The following PGM1 variants were observed in gnomAD, a reference collection of about 807,000 sequenced individuals.
PGM1 encodes the protein phosphoglucomutase-1.
A neutral mutation model predicts 55.6 loss-of-function variants in PGM1; 52 were observed. That is an observed-to-expected ratio of 0.94 (90% CI 0.75 to 1.18). PGM1 has a LOEUF of 1.18. Ranked by LOEUF, PGM1 falls within the 50% of genes most tolerant of loss-of-function variation. PGM1 has a pLI of 0.00. For synonymous variants in PGM1, 287 were observed against 271.7 expected (o/e 1.06, Z -0.55); for missense variants, 724 against 729.3 (o/e 0.99, Z 0.08).
chr1:63,636,115 G>T, intron 5 of PGM1, 119 bp from the exon 6 acceptor site: 1 of 976,642 alleles, frequency 1.0e-6, no homozygotes. Flanking sequence ...AATGCAGTAT[G>T]GAAAGGAGAT....
Position 63,603,191 on chromosome 1 carries a change from A to G in PGM1, c.246+9457A>G, listed in dbSNP as rs140976835. ...AAGTTACTGCCACATGCATGGCCTTATTTCCTGTCTACAACAAACCTTTCA... is the reference window on the plus strand; with the variant it reads ...AAGTTACTGCCACATGCATGGCCTTGTTTCCTGTCTACAACAAACCTTTCA... On this transcript the variant is annotated intron_variant, in intron 1 of 10. Transcript: ENST00000371084. Among the ~76,000 whole-genome samples the G allele has an allele frequency of 5.4e-3, 824 of 152,342 alleles. 10 individuals carry two copies. Among genetic ancestry groups the G allele is most frequent in the African/African-American group, 0.018 (768 of 41,576 alleles).
At chr1:63,647,294 A>ATATATATG (rs1649681400) in intron 7 of PGM1, among the ~76,000 whole-genome samples, 1 of 88,946 alleles carries the variant, frequency 1.1e-5, no homozygotes, top group African/African-American at 5.1e-5. Flanking sequence ...ATATATATAT[A>ATATATATG]TATATATATA....
chr1:63,621,410 A>G (rs771582973), intron 1 of PGM1, among the ~76,000 whole-genome samples: 2 of 152,160 alleles, frequency 1.3e-5, no homozygotes, highest in African/African-American at 2.4e-5. Flanking sequence ...AAAACTACCA[A>G]TTATGTGGTT....
At chr1:63,594,788 C>CAAAAAAAAAAAAAA (rs34661751) in intron 1 of PGM1, among the ~76,000 whole-genome samples, 4 of 90,496 alleles carry the variant, frequency 4.4e-5, no homozygotes, top group Non-Finnish European at 6.3e-5. Context: ...CTAAAAAATA[C>CAAAAAAAAAAAAAA]AAAAAAAAAA....
intron 8 of PGM1, among the ~76,000 whole-genome samples, chr1:63,649,964 G>A (rs1649761563): frequency 6.6e-6 from 1 of 152,198 alleles, no homozygotes; most frequent in Non-Finnish European, 1.5e-5. Flanking sequence ...AAATGAATGA[G>A]TTAACAGGTG....
intron 7 of PGM1, among the ~76,000 whole-genome samples, chr1:63,643,529 C>T (rs1649570674): frequency 1.3e-5 from 2 of 152,170 alleles, no homozygotes; most frequent in South Asian, 4.1e-4. Context: ...TTCCTGGGGC[C>T]AGCCTCCTGG....
chr1:63,649,240 C>T (rs576718572), intron 8 of PGM1, among the ~76,000 whole-genome samples: 4 of 152,254 alleles, frequency 2.6e-5, no homozygotes, highest in African/African-American at 7.2e-5. Context: ...TTAATTTATT[C>T]AACAGATATT....
At chr1:63,617,434 C>T (rs1428619972) in intron 1 of PGM1, among the ~76,000 whole-genome samples, 1 of 152,130 alleles carries the variant, frequency 6.6e-6, no homozygotes, top group Non-Finnish European at 1.5e-5. Context: ...AGTGGTGGGG[C>T]AGATGGACTT....
At position 63,630,060 on chromosome 1, in the gene PGM1, C is replaced by G; in HGVS notation, c.528C>G (p.Asp176Glu). Residue 176 changes from aspartate (D) to glutamate (E), a missense_variant, in exon 3 of 11, where the codon GAC becomes GAG. Physicochemically the swap from Asp to Glu is conservative, Grantham distance 45. Transcript: ENST00000371084. Reference sequence around the variant, plus strand: ...GTGTTCTGGGAAAGCAGCAGTTTGACTTGGAAAATAAGTTCAAACCCTTCA... The same window carrying G: ...GTGTTCTGGGAAAGCAGCAGTTTGAGTTGGAAAATAAGTTCAAACCCTTCA... ...DLGVLGKQQF[D>E]LENKFKPFTV... is the part of the protein sequence containing the mutation. 1 of 1,614,018 alleles carries G rather than the reference C, an allele frequency of 6.2e-7. No homozygotes were observed. Among genetic ancestry groups the G allele is most frequent in the Non-Finnish European group, 8.5e-7 (1 of 1,179,888 alleles).
In PGM1 at chr1:63,616,129, G is replaced by T. The variant is rs374987214; in HGVS notation, c.247-13296G>T. On this transcript the variant is annotated intron_variant, in intron 1 of 10. Coordinates refer to ENST00000371084, the MANE Select transcript of PGM1 (RefSeq NM_002633.3). The stretch of plus-strand genomic sequence containing the variant: ...CTCCTGGTAAGTTAGAATGGGGAAA[G>T]TTCTTCTGTTAGCGCCAAGTGAATA... Among the ~76,000 whole-genome samples, 82 of 152,318 alleles carry T rather than the reference G, an allele frequency of 5.4e-4. 1 individual carries two copies. Among genetic ancestry groups the T allele is most frequent in the Middle Eastern group, 6.8e-3 (2 of 294 alleles).
intron 1 of PGM1, among the ~76,000 whole-genome samples, chr1:63,597,702 T>C (rs530792628): frequency 1.1e-4 from 17 of 152,338 alleles, no homozygotes; most frequent in African/African-American, 3.8e-4. Context: ...TTGAAACTAT[T>C]CCTGGTCTCT....
Position 63,631,751 on chromosome 1 carries a change from ACTGAAGAT to A in PGM1, c.653_660del (p.Leu218ProfsTer3). The A allele has an allele frequency of 6.2e-7, 1 of 1,613,802 alleles. No homozygotes were observed. The highest frequency in any genetic ancestry group is 8.5e-7 in the Non-Finnish European group (1 of 1,179,712). ...AAGAACTACTTTCTGGGCCAAACCG[ACTGAAGAT>A]CCGTATTGATGCTATGCATGGAGGT... On this transcript the variant is annotated frameshift_variant, in exon 4 of 11. Coordinates refer to ENST00000371084, the MANE Select transcript of PGM1 (RefSeq NM_002633.3). LOFTEE classifies it high-confidence loss of function.
At chr1:63,595,700 C>T (rs1399641024) in intron 1 of PGM1, among the ~76,000 whole-genome samples, 1 of 152,124 alleles carries the variant, frequency 6.6e-6, no homozygotes, top group Non-Finnish European at 1.5e-5. Context: ...ATACCATGTT[C>T]AGAGAAATGT....
intron 1 of PGM1, among the ~76,000 whole-genome samples, chr1:63,621,523 G>A (rs1279013115): frequency 1.3e-5 from 2 of 152,134 alleles, no homozygotes; most frequent in African/African-American, 2.4e-5. Context: ...TAATTCACAA[G>A]CCCATATAAA....
intron 1 of PGM1, 58 bp downstream of exon 1, chr1:63,593,792 C>A (rs1168531259): frequency 6.7e-7 from 1 of 1,492,436 alleles, no homozygotes. Flanking sequence ...GACGTGCGGC[C>A]CGCGGCGCCC....
At chr1:63,655,116 G>A (rs933034236) in intron 10 of PGM1, among the ~76,000 whole-genome samples, 8 of 151,498 alleles carry the variant, frequency 5.3e-5, no homozygotes, top group Non-Finnish European at 1.0e-4. Context: ...TTACAGGCAC[G>A]TGCCACCATG....
chr1:63,605,011 C>T (rs1648378269), intron 1 of PGM1, among the ~76,000 whole-genome samples: 1 of 150,596 alleles, frequency 6.6e-6, no homozygotes, highest in Non-Finnish European at 1.5e-5. Context: ...AGTCACTAGC[C>T]ATAGGAGTGT....
chr1:63,604,088 A>G (rs946440596), intron 1 of PGM1, among the ~76,000 whole-genome samples: 15 of 151,996 alleles, frequency 9.9e-5, no homozygotes, highest in Non-Finnish European at 2.1e-4. Context: ...GAAATCTCAG[A>G]TTTCCCTGTC....
intron 1 of PGM1, among the ~76,000 whole-genome samples, chr1:63,614,644 C>G (rs1418953580): frequency 6.6e-6 from 1 of 152,186 alleles, no homozygotes; most frequent in Non-Finnish European, 1.5e-5. Context: ...AGCCTTCTAA[C>G]TTGGGTTGGC....
Sources: allele counts gnomAD v4.1 joint callset (sites outside exome capture counted in the v4.1 genomes callset), GRCh38; gene constraint gnomAD v4.1.1; transcripts MANE v1.5; gene names NCBI Gene and HGNC (gene_info 2026-07-23, HGNC 2026-07-21).